Variants in PLEKHM3 observed in about 807,000 individuals in gnomAD.
PLEKHM3 encodes pleckstrin homology domain containing M3.
A neutral mutation model predicts 81.8 loss-of-function variants in PLEKHM3; 45 were observed. The ratio of observed to expected loss-of-function variants is 0.55; its 90% CI spans 0.43 to 0.71. The LOEUF is 0.71. PLEKHM3 is among the 30% of genes least tolerant of loss of function. PLEKHM3 has a pLI of 0.00. For synonymous variants in PLEKHM3, 352 were observed against 356.4 expected, an observed-to-expected ratio of 0.99 and a Z score of 0.14; for missense variants, 788 against 924.3, an observed-to-expected ratio of 0.85 and a Z score of 1.91.
In PLEKHM3 at chr2:208,001,177, T is replaced by C; in HGVS notation, c.463A>G (p.Thr155Ala). The change falls in exon 2 of 8, where the codon ACC (threonine) becomes GCC (alanine). Residue 155 changes from threonine (T) to alanine (A), a missense_variant. Thr to Ala is a moderately conservative substitution (Grantham distance 58). Coordinates refer to ENST00000427836, the MANE Select transcript of PLEKHM3 (RefSeq NM_001080475.3). The stretch of plus-strand genomic sequence containing the variant: ...AGGACTACCCTCCAGTCCACTTGGG[T>C]AATATCTGATCGTGATCGAGCATGC... ...PGHARSRSDI[T>A]QVDWRVVLKT... is the part of the protein sequence containing the mutation. The C allele has an allele frequency of 6.2e-7, 1 of 1,614,118 alleles. No homozygotes were observed. The highest frequency in any genetic ancestry group is 1.3e-5 in the African/African-American group (1 of 75,058).
chr2:207,962,035 G>A (rs532882845), intron 3 of PLEKHM3, among the ~76,000 whole-genome samples: 1 of 152,236 alleles, frequency 6.6e-6, no homozygotes, highest in African/African-American at 2.4e-5. Context: ...TAAAACCCTT[G>A]GAATTTCCCC....
intron 3 of PLEKHM3, among the ~76,000 whole-genome samples, chr2:207,957,074 T>C (rs1451600309): frequency 6.6e-6 from 1 of 152,098 alleles, no homozygotes; most frequent in Admixed American, 6.5e-5. Flanking sequence ...CTGTTAAAGA[T>C]GCTCATGATG....
intron 2 of PLEKHM3, 97 bp from the exon 3 acceptor site, chr2:207,977,683 A>T: frequency 9.7e-7 from 1 of 1,028,984 alleles, no homozygotes; most frequent in South Asian, 1.6e-5. Flanking sequence ...AACCACACAG[A>T]TCAGGGACTG....
At chr2:207,917,957 C>CTAA (rs1689050687) in intron 5 of PLEKHM3, among the ~76,000 whole-genome samples, 2 of 152,028 alleles carry the variant, frequency 1.3e-5, no homozygotes, top group Admixed American at 1.3e-4. Flanking sequence ...ATCCTTCTAC[C>CTAA]TAATATACTT....
chr2:207,924,020 C>T (rs1023997866), intron 5 of PLEKHM3, among the ~76,000 whole-genome samples: 1 of 148,084 alleles, frequency 6.8e-6, no homozygotes, highest in African/African-American at 2.5e-5. Flanking sequence ...GCGATTCTGC[C>T]TCAGCCTTCC....
chr2:207,973,332 C>T (rs935830415), intron 3 of PLEKHM3, among the ~76,000 whole-genome samples: 3 of 152,216 alleles, frequency 2.0e-5, no homozygotes, highest in African/African-American at 7.2e-5. Context: ...TGAACAGTCT[C>T]CCAGGTAATT....
intron 7 of PLEKHM3, among the ~76,000 whole-genome samples, chr2:207,853,242 AC>A (rs1185061211): frequency 6.6e-6 from 1 of 151,860 alleles, no homozygotes; most frequent in African/African-American, 2.4e-5. Flanking sequence ...ACATGGTGAA[AC>A]CCCGTCTCTA....
intron 7 of PLEKHM3, among the ~76,000 whole-genome samples, chr2:207,852,149 T>C (rs907800474): frequency 2.0e-5 from 3 of 151,972 alleles, no homozygotes; most frequent in Non-Finnish European, 4.4e-5. Context: ...TTTTAGGGGG[T>C]ATATGGCAAA....
At chr2:207,963,106 T>C (rs866784933) in intron 3 of PLEKHM3, among the ~76,000 whole-genome samples, 5 of 152,156 alleles carry the variant, frequency 3.3e-5, no homozygotes, top group Middle Eastern at 3.4e-3. Context: ...GTGGAGAGAA[T>C]CTGATAGGTC....
chr2:207,858,136 A>ATGTGTGTGTGTG (rs141449083), intron 7 of PLEKHM3, among the ~76,000 whole-genome samples: 65 of 126,946 alleles, frequency 5.1e-4, no homozygotes, highest in African/African-American at 1.8e-3. Context: ...TCATATAGAT[A>ATGTGTGTGTGTG]TGTGTGTGTG....
rs976640878 is a variant in PLEKHM3, at chr2:208,001,877, T to C, written c.-238A>G. 43 of 538,336 alleles carry C rather than the reference T, an allele frequency of 8.0e-5. No individual in the cohort carries two copies. The highest frequency in any genetic ancestry group is 1.3e-4 in the Non-Finnish European group (40 of 313,858). The allele number at this position is 538,336 out of a possible 1,614,324, so 33.3% of individuals were successfully genotyped here. ...ATGTATAGGGAGACCAAATGTTCCT[T>C]TGAGATTATTCTTCAGTGAGACCTC... is the stretch of plus-strand genomic sequence containing the variant. On this transcript the variant is annotated 5_prime_UTR_variant, in exon 2 of 8. Transcript: ENST00000427836.
intron 4 of PLEKHM3, among the ~76,000 whole-genome samples, chr2:207,943,072 T>C (rs1295800569): frequency 1.3e-5 from 2 of 152,144 alleles, no homozygotes; most frequent in East Asian, 3.9e-4. Flanking sequence ...GGTTGGTTAA[T>C]GGGTATAAAA....
intron 5 of PLEKHM3, among the ~76,000 whole-genome samples, chr2:207,923,905 ATTTT>A (rs869041855): frequency 6.4e-4 from 18 of 28,338 alleles, no homozygotes; most frequent in African/African-American, 2.2e-3. Context: ...ATATATATAT[ATTTT>A]TTTTTTTTTT....
intron 4 of PLEKHM3, among the ~76,000 whole-genome samples, chr2:207,944,271 C>G (rs1690046201): frequency 6.6e-6 from 1 of 152,088 alleles, no homozygotes; most frequent in Non-Finnish European, 1.5e-5. Context: ...TCCATCTGGT[C>G]AAATAGTGTA....
intron 6 of PLEKHM3, among the ~76,000 whole-genome samples, chr2:207,876,284 TA>T (rs553504986): frequency 2.4e-4 from 36 of 148,978 alleles, no homozygotes; most frequent in East Asian, 7.8e-4. Context: ...TTTAAATTGT[TA>T]AAAAAAAAAC....
intron 1 of PLEKHM3, among the ~76,000 whole-genome samples, chr2:208,022,245 C>T (rs1559288192): frequency 6.6e-6 from 1 of 152,210 alleles, no homozygotes; most frequent in Non-Finnish European, 1.5e-5. Flanking sequence ...AAAAATGATA[C>T]TTTGCTATTG....
intron 7 of PLEKHM3, among the ~76,000 whole-genome samples, chr2:207,832,435 A>C (rs1169905003): frequency 6.6e-6 from 1 of 152,238 alleles, no homozygotes; most frequent in Non-Finnish European, 1.5e-5. Flanking sequence ...AAATATTTAC[A>C]TTAAAAAATG....
intron 2 of PLEKHM3, among the ~76,000 whole-genome samples, chr2:207,986,654 C>T (rs1205434305): frequency 6.7e-6 from 1 of 149,040 alleles, no homozygotes; most frequent in Non-Finnish European, 1.5e-5. Flanking sequence ...ATATAGACTT[C>T]TCCATCATTA....
At chr2:207,918,532 CAAACAAACAAA>C (rs1388456487) in intron 5 of PLEKHM3, among the ~76,000 whole-genome samples, 21 of 146,202 alleles carry the variant, frequency 1.4e-4, no homozygotes, top group African/African-American at 5.3e-4. Flanking sequence ...AACAAACAAA[CAAACAAACAAA>C]AAACAAACAA....
Sources: gnomAD v4.1 joint callset for allele counts (sites outside exome capture counted in the v4.1 genomes callset) on GRCh38, gnomAD v4.1.1 for gene constraint, MANE v1.5 for transcripts, NCBI Gene and HGNC (gene_info 2026-07-23, HGNC 2026-07-21) for gene names.